Variants in KBTBD12 observed in about 807,000 individuals in gnomAD.
KBTBD12 encodes kelch repeat and BTB domain-containing protein 12.
Under a neutral mutation model 58.7 loss-of-function variants are expected in KBTBD12, and 53 were observed. The ratio of observed to expected loss-of-function variants is 0.90; its 90% CI spans 0.72 to 1.14. KBTBD12 has a LOEUF of 1.14. Ranked by LOEUF, KBTBD12 falls within the 50% of genes most tolerant of loss-of-function variation. The probability of loss-of-function intolerance (pLI) is 0.00; values close to 1 mark genes in which losing one functional copy is unlikely to be tolerated. For missense variants in KBTBD12, 704 were observed against 751.3 expected (o/e 0.94, Z 0.74); for synonymous variants, 236 against 259.8 (o/e 0.91, Z 0.88).
chr3:127,953,516 CG>C (rs1940255388), intron 4 of KBTBD12, among the ~76,000 whole-genome samples: 1 of 152,172 alleles, frequency 6.6e-6, no homozygotes. Context: ...ATTGTATTAC[CG>C]GACATTGTGG....
chr3:127,943,061 AC>A (rs906717394), intron 4 of KBTBD12, among the ~76,000 whole-genome samples: 7 of 152,144 alleles, frequency 4.6e-5, no homozygotes, highest in Admixed American at 1.3e-4. Flanking sequence ...TGTCTCCATG[AC>A]CCAAACACCT....
intron 4 of KBTBD12, among the ~76,000 whole-genome samples, chr3:127,954,088 G>A (rs905041196): frequency 6.6e-6 from 1 of 152,166 alleles, no homozygotes; most frequent in African/African-American, 2.4e-5. Flanking sequence ...TGACATGCAG[G>A]AGGAGACCAA....
rs1179937203 is a variant in KBTBD12 at position 127,915,442 on chromosome 3, C to T, written c.-257C>T. ...CCCTCCTCCTCCGCAGGGCGCGGGA[C>T]CTCTATTTATATCGCCCAGCCAGCA... is the stretch of plus-strand genomic sequence containing the variant. On this transcript the variant is annotated 5_prime_UTR_variant, in exon 1 of 6. Transcript: ENST00000405109. 6.5e-6 allele frequency: 1 copy of T among 152,726 alleles called. No homozygotes were observed. Among genetic ancestry groups the T allele is most frequent in the Non-Finnish European group, 1.5e-5 (1 of 68,442 alleles). 9.5% of individuals were successfully genotyped at this position (152,726 alleles called of 1,614,324 possible). A position where few individuals can be genotyped will look rare whatever the true frequency, so the allele number is the denominator to read the frequency against.
At chr3:127,975,126 C>T (rs1305475667) in intron 5 of KBTBD12, among the ~76,000 whole-genome samples, 9 of 152,222 alleles carry the variant, frequency 5.9e-5, no homozygotes, top group South Asian at 4.2e-4. Context: ...AAAGGAGGGG[C>T]GCCAGGAGAG....
intron 4 of KBTBD12, among the ~76,000 whole-genome samples, chr3:127,954,630 C>T (rs953275476): frequency 2.0e-5 from 3 of 152,214 alleles, no homozygotes; most frequent in Non-Finnish European, 2.9e-5. Flanking sequence ...TCAAAAGTTG[C>T]TTCAGCTTGA....
chr3:127,927,669 T>C lies in KBTBD12; in HGVS notation c.1071-95T>C, dbSNP rs889381222. On this transcript the variant is annotated intron_variant, in intron 2 of 5. Coordinates refer to ENST00000405109, the MANE Select transcript of KBTBD12 (RefSeq NM_207335.4). ...GTCCTCCAATTGGAAGAACCATATCTCATTATTTTTGGTCAGAAAATAAAT... is the reference window on the plus strand; with the variant it reads ...GTCCTCCAATTGGAAGAACCATATCCCATTATTTTTGGTCAGAAAATAAAT... 3.8e-5 allele frequency: 35 copies of C among 923,076 alleles called. No homozygotes were observed. The East Asian group carries it at 8.8e-4, about 23-fold the overall frequency. 57.2% of individuals were successfully genotyped at this position (923,076 alleles called of 1,614,324 possible). A position where few individuals can be genotyped will look rare whatever the true frequency, so the allele number is the denominator to read the frequency against.
chr3:127,921,514 T>C (rs1009310362), intron 1 of KBTBD12, among the ~76,000 whole-genome samples: 1 of 152,244 alleles, frequency 6.6e-6, no homozygotes, highest in African/African-American at 2.4e-5. Flanking sequence ...GTACCTTATA[T>C]GTACAAGAAA....
intron 1 of KBTBD12, among the ~76,000 whole-genome samples, chr3:127,917,186 C>A (rs1403718657): frequency 6.6e-6 from 1 of 152,238 alleles, no homozygotes; most frequent in African/African-American, 2.4e-5. Flanking sequence ...TCCCACAGGG[C>A]TACCACTATC....
chr3:127,927,654 T>C (rs1446544701), intron 2 of KBTBD12, 110 bp from the exon 3 acceptor site: 2 of 813,576 alleles, frequency 2.5e-6, no homozygotes. Context: ...GTCCTCCAAT[T>C]GGAAGAACCA....
Position 127,923,718 on chromosome 3 carries a change from A to C in KBTBD12, c.657A>C (p.Gln219His), listed in dbSNP as rs148151101. The C allele has an allele frequency of 9.7e-3, 15,623 of 1,613,902 alleles. 102 individuals are homozygous for C. Among genetic ancestry groups the C allele is most frequent in the Non-Finnish European group, 0.011 (13,164 of 1,179,830 alleles). The change falls in exon 2 of 6, where the codon CAA (glutamine) becomes CAC (histidine). Residue 219 changes from glutamine to histidine, a missense_variant. Physicochemically the swap from Gln to His is conservative, Grantham distance 24 (BLOSUM62 0). Transcript: ENST00000405109. ...RTVHLVELLK[Q>H]VRLELVNPSF... is the part of the protein sequence containing the mutation. Reference sequence around the variant, plus strand: ...TGCATCTTGTTGAGCTTTTGAAGCAAGTCAGATTGGAACTTGTAAATCCTT... The same window carrying C: ...TGCATCTTGTTGAGCTTTTGAAGCACGTCAGATTGGAACTTGTAAATCCTT...
chr3:127,977,739 T>G (rs1204410942), intron 5 of KBTBD12, among the ~76,000 whole-genome samples: 1 of 152,218 alleles, frequency 6.6e-6, no homozygotes, highest in Non-Finnish European at 1.5e-5. Context: ...CCTTTGTCGA[T>G]GCATATTTTG....
intron 5 of KBTBD12, among the ~76,000 whole-genome samples, chr3:127,982,881 G>A (rs922684422): frequency 3.3e-5 from 5 of 152,188 alleles, no homozygotes; most frequent in South Asian, 2.1e-4. Flanking sequence ...CGCTCACAGC[G>A]TTCTAAAGGT....
At chr3:127,942,622 T>G (rs1939976909) in intron 4 of KBTBD12, among the ~76,000 whole-genome samples, 1 of 148,332 alleles carries the variant, frequency 6.7e-6, no homozygotes, top group Admixed American at 6.8e-5. Flanking sequence ...CTTGTGTTAG[T>G]TATATATATA....
At chr3:127,965,994 A>T (rs1022756522) in intron 5 of KBTBD12, among the ~76,000 whole-genome samples, 1 of 152,248 alleles carries the variant, frequency 6.6e-6, no homozygotes, top group Non-Finnish European at 1.5e-5. Context: ...TACTGAAAAC[A>T]TGAAGATTAG....
chr3:127,954,957 C>A (rs575087448), intron 4 of KBTBD12, among the ~76,000 whole-genome samples: 9 of 152,314 alleles, frequency 5.9e-5, no homozygotes, highest in African/African-American at 2.2e-4. Context: ...CTTTGCCAGT[C>A]GCTGCCCTTG....
At chr3:127,966,250 C>G (rs1238334338) in intron 5 of KBTBD12, among the ~76,000 whole-genome samples, 3 of 152,190 alleles carry the variant, frequency 2.0e-5, no homozygotes, top group Non-Finnish European at 4.4e-5. Flanking sequence ...CTCTGGGGGT[C>G]TGACCAGCCC....
At chr3:127,976,788 G>A (rs1296550643) in intron 5 of KBTBD12, among the ~76,000 whole-genome samples, 4 of 152,140 alleles carry the variant, frequency 2.6e-5, no homozygotes. Flanking sequence ...TGTGTATGCT[G>A]TTTCATTGTG....
chr3:127,952,494 T>C (rs1940228551), intron 4 of KBTBD12, among the ~76,000 whole-genome samples: 2 of 152,212 alleles, frequency 1.3e-5, no homozygotes, highest in Admixed American at 6.5e-5. Context: ...TGTTACCAGA[T>C]TGTACATACA....
chr3:127,982,783 C>T (rs113568057), intron 5 of KBTBD12, among the ~76,000 whole-genome samples: 1 of 152,260 alleles, frequency 6.6e-6, no homozygotes, highest in African/African-American at 2.4e-5. Flanking sequence ...CTCTCCCTCC[C>T]TCGCCTTCCA....
Sources: gnomAD v4.1 joint callset for allele counts (sites outside exome capture counted in the v4.1 genomes callset) on GRCh38, gnomAD v4.1.1 for gene constraint, MANE v1.5 for transcripts, NCBI Gene and HGNC (gene_info 2026-07-23, HGNC 2026-07-21) for gene names.